The following YJU2 variants were observed in gnomAD, a reference collection of about 807,000 sequenced individuals.
The protein encoded by YJU2 is YJU2 splicing factor homolog, also known as splicing factor YJU2.
A neutral mutation model predicts 39.6 loss-of-function variants in YJU2; 28 were observed. The ratio of observed to expected loss-of-function variants is 0.71; its 90% confidence interval spans 0.52 to 0.97. The LOEUF (loss-of-function observed/expected upper bound fraction) is 0.97, where lower values mean the gene tolerates loss of function less well. YJU2 is among the 50% of genes least tolerant of loss of function. The probability of loss-of-function intolerance (pLI) is 0.00; values close to 1 mark genes in which losing one functional copy is unlikely to be tolerated. For missense variants in YJU2, 328 were observed against 430.4 expected, an observed-to-expected ratio of 0.76 and a Z score of 2.11; for synonymous variants, 184 against 182.4, an observed-to-expected ratio of 1.01 and a Z score of -0.07.
Position 4,247,133 on chromosome 19 carries a change from A to T in YJU2, c.-14A>T, listed in dbSNP as rs1408332819. 6.2e-7 allele frequency: 1 copy of T among 1,613,598 alleles called. No individual in the cohort carries two copies. Among genetic ancestry groups the T allele is most frequent in the Non-Finnish European group, 8.5e-7 (1 of 1,179,606 alleles). ...CCATTTCTCAGGTGCTTGCGAGGTG[A>T]TCAGAAGGCAAAGATGTCGGAGCGA... On this transcript the variant is annotated 5_prime_UTR_variant, in exon 1 of 8. Coordinates refer to ENST00000262962, the MANE Select transcript of YJU2 (RefSeq NM_018074.6).
chr19:4,256,831 G>A (rs182308585), intron 4 of YJU2, among the ~76,000 whole-genome samples: 11 of 152,226 alleles, frequency 7.2e-5, no homozygotes, highest in African/African-American at 9.6e-5. Context: ...TGGCAGCTGC[G>A]TACCCCAGAG....
chr19:4,250,621 C>G (rs1333437528), intron 2 of YJU2, among the ~76,000 whole-genome samples: 4 of 151,784 alleles, frequency 2.6e-5, no homozygotes, highest in African/African-American at 9.7e-5. Context: ...TTTGCAGGAT[C>G]AGACAGGAGG....
At chr19:4,260,594 G>A (rs1971063121) in intron 5 of YJU2, among the ~76,000 whole-genome samples, 1 of 152,114 alleles carries the variant, frequency 6.6e-6, no homozygotes. Context: ...GAAATTAGCT[G>A]GACATGGTGG....
At position 4,248,721 on chromosome 19, in the gene YJU2, C is replaced by T. The variant is rs548130032; in HGVS notation, c.25-507C>T. 6.1e-4 allele frequency among the ~76,000 whole-genome samples: 93 copies of T among 152,252 alleles called. 1 individual carries two copies. The South Asian group carries it at 0.011, about 19-fold the overall frequency. Reference sequence around the variant, plus strand: ...ATCACCTGAGGTCAGGAGTTCGAGACTAGCCTGGCCAACATGGTGAAACCC... The same window carrying T: ...ATCACCTGAGGTCAGGAGTTCGAGATTAGCCTGGCCAACATGGTGAAACCC... On this transcript the variant is annotated intron_variant, in intron 1 of 7. Coordinates refer to ENST00000262962, the MANE Select transcript of YJU2 (RefSeq NM_018074.6).
rs1476845249 is a variant in YJU2, at chr19:4,256,182, ATATATAT to A, written c.405+1694_405+1700del. Among the ~76,000 whole-genome samples the A allele has an allele frequency of 5.2e-3, 508 of 97,334 alleles. 4 individuals are homozygous for A. The highest frequency in any genetic ancestry group is 0.022 in the African/African-American group (439 of 19,644). The allele number at this position is 97,334 out of a possible 152,430, so 63.9% of individuals were successfully genotyped here. ...GCAAGACTGTCGCAAAAAAAAAAAA[ATATATAT>A]ATATATATATATATATATGTACACA... On this transcript the variant is annotated intron_variant, in intron 4 of 7. Coordinates refer to ENST00000262962, the MANE Select transcript of YJU2 (RefSeq NM_018074.6).
At position 4,268,832 on chromosome 19, in the gene YJU2, A is replaced by C; in HGVS notation, c.*136A>C. 1 of 651,520 alleles carries C rather than the reference A, an allele frequency of 1.5e-6. No homozygotes were observed. The highest frequency in any genetic ancestry group is 2.7e-6 in the Non-Finnish European group (1 of 373,550). The allele number at this position is 651,520 out of a possible 1,614,324, so 40.4% of individuals were successfully genotyped here. The stretch of plus-strand genomic sequence containing the variant: ...GACAGACAAGCGCCAGCGTGCTCCA[A>C]CACATAGGGCCACCAGGGGCCTCAG... On this transcript the variant is annotated 3_prime_UTR_variant, in exon 8 of 8. Transcript: ENST00000262962.
At chr19:4,257,253 C>T (rs548568950) in intron 4 of YJU2, among the ~76,000 whole-genome samples, 13 of 152,012 alleles carry the variant, frequency 8.6e-5, no homozygotes, top group South Asian at 4.2e-4. Flanking sequence ...GCCCAGGGCC[C>T]GGTGTACAGT....
chr19:4,267,803 C>A (rs991216341), intron 7 of YJU2, 29 bp downstream of exon 7: 3 of 1,592,682 alleles, frequency 1.9e-6, no homozygotes, highest in South Asian at 1.1e-5. Context: ...CAGAGCCGGG[C>A]GCGGTTTCTA....
intron 6 of YJU2, among the ~76,000 whole-genome samples, chr19:4,263,267 G>A (rs1042806006): frequency 2.0e-5 from 3 of 152,116 alleles, no homozygotes; most frequent in Admixed American, 6.6e-5. Context: ...AACCATTCAG[G>A]GACTCAGCCT....
In YJU2 at chr19:4,247,171, G is replaced by GT; in HGVS notation, c.24+2dup. On this transcript the variant is annotated splice_donor_variant, in intron 1 of 7. Transcript: ENST00000262962. LOFTEE classifies it high-confidence loss of function. ...GATGTCGGAGCGAAAAGTATTAAACGTAAGTGTTGGGCGACTGGGGCTTTT... is the reference window on the plus strand; with the variant it reads ...GATGTCGGAGCGAAAAGTATTAAACGTTAAGTGTTGGGCGACTGGGGCTTTT... 6.2e-7 allele frequency: 1 copy of GT among 1,613,726 alleles called. No individual in the cohort carries two copies. The highest frequency in any genetic ancestry group is 8.5e-7 in the Non-Finnish European group (1 of 1,179,642).
intron 4 of YJU2, 142 bp from the exon 5 acceptor site, chr19:4,258,100 A>G: frequency 6.5e-6 from 8 of 1,237,514 alleles, no homozygotes; most frequent in Admixed American, 5.2e-5. Context: ...AGCGCTGGGC[A>G]TGGGCAGGGG....
chr19:4,264,167 C>T (rs983531802), intron 6 of YJU2, among the ~76,000 whole-genome samples: 1 of 136,960 alleles, frequency 7.3e-6, no homozygotes, highest in Non-Finnish European at 1.5e-5. Flanking sequence ...GAGGCTGAGA[C>T]AGGAGAATGG....
intron 6 of YJU2, among the ~76,000 whole-genome samples, chr19:4,264,034 G>C: frequency 6.6e-6 from 1 of 151,702 alleles, no homozygotes. Flanking sequence ...AGGCCAAGGC[G>C]GGTGGATCAC....
chr19:4,250,485 T>G (rs1176840645), intron 2 of YJU2, among the ~76,000 whole-genome samples: 1 of 151,952 alleles, frequency 6.6e-6, no homozygotes, highest in Non-Finnish European at 1.5e-5. Context: ...GAGGGAGGGC[T>G]ATAGGTAGCT....
chr19:4,266,549 C>T (rs1971116798), intron 6 of YJU2, among the ~76,000 whole-genome samples: 1 of 152,098 alleles, frequency 6.6e-6, no homozygotes, highest in African/African-American at 2.4e-5. Flanking sequence ...CCTGGCTTCT[C>T]TCTCACCCAG....
chr19:4,264,567 A>G (rs1014690845), intron 6 of YJU2, among the ~76,000 whole-genome samples: 4 of 151,078 alleles, frequency 2.6e-5, no homozygotes, highest in African/African-American at 7.3e-5. Flanking sequence ...GCTCACTGCA[A>G]CCTTCGCCCC....
In YJU2 at chr19:4,258,349, T is replaced by C; in HGVS notation, c.513T>C (p.Ala171=). The change falls in exon 5 of 8, where the codon GCT becomes GCC. Residue 171 remains alanine, a synonymous_variant. Transcript: ENST00000262962. ...GGCAGGCGCACGTGGACTTCGAGGC[T>C]ATGCTGAGGCAGCACCGCCTGTCGG... The part of the protein sequence containing the change: ...NQRQAHVDFE[A]MLRQHRLSEE... The C allele has an allele frequency of 1.3e-6, 2 of 1,593,644 alleles. No individual in the cohort carries two copies. Among genetic ancestry groups the C allele is most frequent in the Non-Finnish European group, 8.5e-7 (1 of 1,171,904 alleles).
At position 4,254,342 on chromosome 19, in the gene YJU2, A is replaced by G. The variant is rs757755246; in HGVS notation, c.271-13A>G. ...GGGATGTAGGAGCTGATGTCTGTCT[A>G]TCCTCCCTGCAGACAGACCCTGAAA... On this transcript the variant is annotated splice_polypyrimidine_tract_variant and intron_variant, in intron 3 of 7. Transcript: ENST00000262962. The G allele has an allele frequency of 6.2e-7, 1 of 1,606,502 alleles. No individual in the cohort carries two copies. The highest frequency in any genetic ancestry group is 8.5e-7 in the Non-Finnish European group (1 of 1,173,648).
chr19:4,264,547 T>C (rs1340383805), intron 6 of YJU2, among the ~76,000 whole-genome samples: 1 of 151,314 alleles, frequency 6.6e-6, no homozygotes, highest in African/African-American at 2.4e-5. Flanking sequence ...AGTGCAGTGG[T>C]GTGATCTTGG....
Sources: allele counts gnomAD v4.1 joint callset (sites outside exome capture counted in the v4.1 genomes callset), GRCh38; gene constraint gnomAD v4.1.1; transcripts MANE v1.5; gene names NCBI Gene and HGNC (gene_info 2026-07-23, HGNC 2026-07-21).